Variants in MMP2 observed in about 807,000 individuals in gnomAD.
MMP2 encodes matrix metallopeptidase 2, also known as 72 kDa type IV collagenase.
A neutral mutation model predicts 74.8 loss-of-function variants in MMP2; 39 were observed. The observed-to-expected ratio is 0.52, with a 90% CI of 0.40 to 0.68. MMP2 has a LOEUF of 0.68. Ranked by LOEUF, MMP2 falls within the 30% of genes least tolerant of loss-of-function variation. The pLI, the probability that MMP2 is intolerant of heterozygous loss-of-function variation, is 0.00. For missense variants in MMP2, 803 were observed against 878.3 expected (o/e 0.91, Z 1.08); for synonymous variants, 367 against 339.8 (o/e 1.08, Z -0.88).
chr16:55,502,797 G>T lies in MMP2; in HGVS notation c.1788G>T (p.Lys596Asn), dbSNP rs763534430. ...TTTACAGATACAATGAGGTGAAGAA[G>T]AAAATGGATCCTGGCTTCCCCAAGC... ...DKFWRYNEVK[K>N]KMDPGFPKLI... is the part of the protein sequence containing the mutation. The change falls in exon 12 of 13, where the codon AAG becomes AAT. Residue 596 changes from lysine (K) to asparagine (N), a missense_variant. This residue lies in a region of MMP2 where 555 missense variants were observed against 592.0 expected (regional missense o/e 0.94). Transcript: ENST00000219070. 7 of 1,613,834 alleles carry T rather than the reference G, an allele frequency of 4.3e-6. No individual in the cohort carries two copies. The African/African-American group carries it at 9.3e-5, about 22-fold the overall frequency.
Position 55,479,383 on chromosome 16 carries a change from C to G in MMP2, c.-97C>G. The G allele has an allele frequency of 7.5e-7, 1 of 1,326,960 alleles. No homozygotes were observed. The highest frequency in any genetic ancestry group is 9.7e-7 in the Non-Finnish European group (1 of 1,035,016). 82.2% of individuals were successfully genotyped at this position (1,326,960 alleles called of 1,614,324 possible). ...GAGCCAGCGGACCCTCGGAGCGCAG[C>G]CCTGCGCCGCGGAGCAGGCTCCAAC... On this transcript the variant is annotated 5_prime_UTR_variant, in exon 1 of 13. Coordinates refer to ENST00000219070, the MANE Select transcript of MMP2 (RefSeq NM_004530.6).
intron 1 of MMP2, 124 bp from the exon 2 acceptor site, chr16:55,482,785 C>A: frequency 1.2e-6 from 1 of 828,974 alleles, no homozygotes; most frequent in Non-Finnish European, 2.0e-6. Flanking sequence ...GCTCTGGGAC[C>A]CCTGGCTTAT....
intron 9 of MMP2, 29 bp downstream of exon 9, chr16:55,493,322 CCTT>C (rs758141789): frequency 1.5e-5 from 24 of 1,613,940 alleles, no homozygotes; most frequent in Non-Finnish European, 2.0e-5. Context: ...TTCTTGTCCT[CCTT>C]GTCTCCTGTC....
intron 10 of MMP2, among the ~76,000 whole-genome samples, chr16:55,497,270 A>G (rs1297434575): frequency 6.6e-6 from 1 of 152,200 alleles, no homozygotes; most frequent in African/African-American, 2.4e-5. Context: ...AACATCAGAT[A>G]GCATTAACCC....
At chr16:55,482,563 G>A (rs1362625416) in intron 1 of MMP2, among the ~76,000 whole-genome samples, 1 of 152,170 alleles carries the variant, frequency 6.6e-6, no homozygotes, top group East Asian at 1.9e-4. Flanking sequence ...ACCTCTCTGT[G>A]CTTCAGTTTC....
intron 2 of MMP2, 63 bp downstream of exon 2, chr16:55,483,198 C>A: frequency 7.6e-7 from 1 of 1,323,574 alleles, no homozygotes; most frequent in Non-Finnish European, 1.1e-6. Context: ...CTCCTTGACC[C>A]ATGCATTCTC....
At position 55,484,009 on chromosome 16, in the gene MMP2, C is replaced by G; in HGVS notation, c.381-7C>G. The G allele has an allele frequency of 6.2e-7, 1 of 1,614,096 alleles. No homozygotes were observed. The highest frequency in any genetic ancestry group is 1.3e-5 in the African/African-American group (1 of 75,022). ...TACACACTCACATGCAGTTCTACCA[C>G]CTCCAGGATCATTGGCTACACACCT... is the stretch of plus-strand genomic sequence containing the variant. On this transcript the variant is annotated splice_region_variant and splice_polypyrimidine_tract_variant and intron_variant, in intron 2 of 12. Coordinates refer to ENST00000219070, the MANE Select transcript of MMP2 (RefSeq NM_004530.6).
intron 1 of MMP2, 119 bp from the exon 2 acceptor site, chr16:55,482,790 G>A: frequency 1.2e-6 from 1 of 866,456 alleles, no homozygotes; most frequent in Non-Finnish European, 1.9e-6. Flanking sequence ...GGGACCCCTG[G>A]CTTATTTCCT....
At chr16:55,479,958 C>T in intron 1 of MMP2, 1 of 212,636 alleles carries the variant, frequency 4.7e-6, no homozygotes, top group South Asian at 7.5e-5. Flanking sequence ...GGGACATCCT[C>T]TAGTATCTGG....
chr16:55,484,447 A>G (rs2142346939), intron 3 of MMP2, among the ~76,000 whole-genome samples: 1 of 152,352 alleles, frequency 6.6e-6, no homozygotes, highest in East Asian at 1.9e-4. Flanking sequence ...GCCATTAGGC[A>G]GAATATACAT....
chr16:55,494,519 G>A (rs1271564748), intron 9 of MMP2, among the ~76,000 whole-genome samples: 2 of 152,276 alleles, frequency 1.3e-5, no homozygotes, highest in East Asian at 3.9e-4. Flanking sequence ...AGTGGGGTGG[G>A]GGGCTGCTAG....
chr16:55,488,813 AG>A (rs1962328180), intron 6 of MMP2, 97 bp downstream of exon 6: 1 of 1,297,834 alleles, frequency 7.7e-7, no homozygotes, highest in Admixed American at 2.0e-5. Flanking sequence ...CCTTTCCCCA[AG>A]ACAGGGGTGC....
chr16:55,502,732 G>A, intron 11 of MMP2, 47 bp from the exon 12 acceptor site: 1 of 1,545,474 alleles, frequency 6.5e-7, no homozygotes, highest in Non-Finnish European at 8.9e-7. Context: ...GGGGGGAAGT[G>A]TCCTTTAGAG....
chr16:55,478,972 G>A (rs1490325762), upstream of MMP2: 1 of 152,260 alleles, frequency 6.6e-6, no homozygotes, highest in Non-Finnish European at 1.5e-5. Context: ...AGAGGCAAGT[G>A]GGGTGACGAG....
Position 55,485,428 on chromosome 16 carries a change from G to A in MMP2, c.658+1G>A. On this transcript the variant is annotated splice_donor_variant, in intron 4 of 12. Coordinates refer to ENST00000219070, the MANE Select transcript of MMP2 (RefSeq NM_004530.6). LOFTEE classifies it high-confidence loss of function. ...CTATGGACCTTGGGAGAAGGCCAAG[G>A]TGAGAAAGGGGCCCTCTGCATGCCC... is the stretch of plus-strand genomic sequence containing the variant. 6.2e-7 allele frequency: 1 copy of A among 1,614,020 alleles called. No homozygotes were observed. Among genetic ancestry groups the A allele is most frequent in the East Asian group, 2.2e-5 (1 of 44,872 alleles).
At position 55,479,375 on chromosome 16, in the gene MMP2, G is replaced by T; in HGVS notation, c.-105G>T. On this transcript the variant is annotated 5_prime_UTR_variant, in exon 1 of 13. Transcript: ENST00000219070. Reference sequence around the variant, plus strand: ...AGGCCACCGAGCCAGCGGACCCTCGGAGCGCAGCCCTGCGCCGCGGAGCAG... The same window carrying T: ...AGGCCACCGAGCCAGCGGACCCTCGTAGCGCAGCCCTGCGCCGCGGAGCAG... 5.5e-6 allele frequency: 7 copies of T among 1,282,698 alleles called. No homozygotes were observed. The highest frequency in any genetic ancestry group is 7.0e-6 in the Non-Finnish European group (7 of 1,005,426). 79.5% of individuals were successfully genotyped at this position (1,282,698 alleles called of 1,614,324 possible).
intron 11 of MMP2, among the ~76,000 whole-genome samples, 198 bp downstream of exon 11, chr16:55,498,646 T>C (rs1962592099): frequency 6.6e-6 from 1 of 152,250 alleles, no homozygotes; most frequent in African/African-American, 2.4e-5. Flanking sequence ...ACATTGCTGA[T>C]ATAATTCTGG....
chr16:55,503,384 G>C (rs1245633396), intron 12 of MMP2, among the ~76,000 whole-genome samples: 1 of 152,168 alleles, frequency 6.6e-6, no homozygotes, highest in Non-Finnish European at 1.5e-5. Flanking sequence ...GTAGCAGCGA[G>C]GGATAGAATT....
intron 11 of MMP2, among the ~76,000 whole-genome samples, 183 bp downstream of exon 11, chr16:55,498,631 T>G (rs1465433808): frequency 1.3e-5 from 2 of 152,246 alleles, no homozygotes; most frequent in African/African-American, 4.8e-5. Flanking sequence ...GAACCATTCT[T>G]GTACACATTG....
Sources: gnomAD v4.1 joint callset for allele counts (sites outside exome capture counted in the v4.1 genomes callset) on GRCh38, gnomAD v4.1.1 for gene constraint, gnomAD v4.1.1 regional missense constraint, MANE v1.5 for transcripts, NCBI Gene and HGNC (gene_info 2026-07-23, HGNC 2026-07-21) for gene names.